Variants in SLC44A5 observed in about 807,000 individuals in gnomAD.
The protein encoded by SLC44A5 is choline transporter-like protein 5.
In SLC44A5, 57 loss-of-function variants were observed where a neutral mutation model predicts 101.8. That is an observed-to-expected ratio of 0.56 (90% CI 0.45 to 0.70). SLC44A5 has a LOEUF of 0.70. SLC44A5 is among the 30% of genes least tolerant of loss of function. SLC44A5 has a pLI of 0.00. For missense variants in SLC44A5, 737 were observed against 853.1 expected, an observed-to-expected ratio of 0.86 and a Z score of 1.70; for synonymous variants, 281 against 290.9, an observed-to-expected ratio of 0.97 and a Z score of 0.35.
intron 2 of SLC44A5, among the ~76,000 whole-genome samples, chr1:75,427,946 G>A (rs1664405302): frequency 6.6e-6 from 1 of 152,180 alleles, no homozygotes; most frequent in Non-Finnish European, 1.5e-5. Flanking sequence ...GTTGGATGGA[G>A]CCATGTTTCT....
At chr1:75,677,797 C>A in the SLC44A5 span, 1 of 415,084 alleles carries the variant, frequency 2.4e-6, no homozygotes, top group Non-Finnish European at 4.7e-6. Context: ...GTCTACAGCT[C>A]CCAGCCTGAG....
At chr1:75,230,575 C>A (rs148352836) in intron 12 of SLC44A5, among the ~76,000 whole-genome samples, 1 of 151,994 alleles carries the variant, frequency 6.6e-6, no homozygotes, top group Admixed American at 6.6e-5. Flanking sequence ...TTCTTTAAAC[C>A]TTTCATGCAT....
At chr1:75,571,075 G>A (rs1270585552) in intron 1 of SLC44A5, among the ~76,000 whole-genome samples, 1 of 152,142 alleles carries the variant, frequency 6.6e-6, no homozygotes, top group Admixed American at 6.5e-5. Context: ...GTAGAAAAAT[G>A]GCTCCACCAC....
At chr1:75,253,508 A>T (rs1447819359) in intron 6 of SLC44A5, among the ~76,000 whole-genome samples, 4 of 152,214 alleles carry the variant, frequency 2.6e-5, no homozygotes, top group Non-Finnish European at 1.5e-5. Context: ...TTATAAATTA[A>T]TACACAATAT....
At chr1:75,705,717 G>T in the SLC44A5 span, among the ~76,000 whole-genome samples, 2 of 152,142 alleles carry the variant, frequency 1.3e-5, no homozygotes, top group Non-Finnish European at 2.9e-5. Flanking sequence ...TTGCTCTGTT[G>T]CCCAGACTGG....
intron 3 of SLC44A5, among the ~76,000 whole-genome samples, chr1:75,356,279 C>T (rs931587845): frequency 6.6e-6 from 1 of 151,152 alleles, no homozygotes; most frequent in African/African-American, 2.4e-5. Context: ...ATGACAGCTC[C>T]GTGCATGTTA....
At chr1:75,439,945 A>T (rs1424323729) in intron 2 of SLC44A5, among the ~76,000 whole-genome samples, 4 of 152,194 alleles carry the variant, frequency 2.6e-5, no homozygotes, top group Non-Finnish European at 5.9e-5. Context: ...TCAGAAAGCA[A>T]GCTAATATTA....
At chr1:75,275,092 G>A (rs1651816063) in intron 5 of SLC44A5, 50 bp from the exon 6 acceptor site, 1 of 1,475,388 alleles carries the variant, frequency 6.8e-7, no homozygotes, top group South Asian at 1.2e-5. Context: ...GCCAGCTAAA[G>A]GCAGTTTGAT....
chr1:75,630,530 A>G, the SLC44A5 span, among the ~76,000 whole-genome samples: 3 of 152,148 alleles, frequency 2.0e-5, no homozygotes, highest in Admixed American at 6.6e-5. Context: ...GTGGTCCTCT[A>G]GAAAAGCCTC....
In SLC44A5 at chr1:75,397,527, G is replaced by A. The variant is rs554344504; in HGVS notation, c.14-906C>T. On this transcript the variant is annotated intron_variant, in intron 2 of 23. Transcript: ENST00000370859. Reference sequence around the variant, plus strand: ...GAACATTTGTAAATTGTGTTCCTTTGGGAAAAATAATAATAACGATAATTA... The same window carrying A: ...GAACATTTGTAAATTGTGTTCCTTTAGGAAAAATAATAATAACGATAATTA... Among the ~76,000 whole-genome samples, 7 of 152,148 alleles carry A rather than the reference G, an allele frequency of 4.6e-5. No homozygotes were observed. The South Asian group carries it at 1.2e-3, about 27-fold the overall frequency.
At chr1:75,416,201 C>T (rs1663631670) in intron 2 of SLC44A5, among the ~76,000 whole-genome samples, 2 of 152,176 alleles carry the variant, frequency 1.3e-5, no homozygotes, top group African/African-American at 4.8e-5. Context: ...CCCAGGGTCT[C>T]CCTACTGTGT....
intron 1 of SLC44A5, among the ~76,000 whole-genome samples, chr1:75,602,483 A>T (rs1236873823): frequency 6.6e-6 from 1 of 152,162 alleles, no homozygotes; most frequent in Non-Finnish European, 1.5e-5. Context: ...TGTGCTTTAT[A>T]ATTTCAAGCC....
chr1:75,662,163 T>A, the SLC44A5 span, among the ~76,000 whole-genome samples: 1 of 152,104 alleles, frequency 6.6e-6, no homozygotes, highest in Non-Finnish European at 1.5e-5. Flanking sequence ...TCAATTTTAT[T>A]CAGTCATAAA....
chr1:75,542,374 G>A (rs908787129), intron 1 of SLC44A5, among the ~76,000 whole-genome samples: 2 of 151,924 alleles, frequency 1.3e-5, no homozygotes, highest in African/African-American at 4.8e-5. Flanking sequence ...GATAGCATAA[G>A]CATTTATATT....
the SLC44A5 span, among the ~76,000 whole-genome samples, chr1:75,689,065 T>C: frequency 0.26 from 39,743 of 152,082 alleles, 6,466 homozygotes; most frequent in East Asian, 0.68. Flanking sequence ...ATTTGCTTTT[T>C]GAGAGGACTA....
chr1:75,326,115 T>C (rs887209645), intron 4 of SLC44A5, among the ~76,000 whole-genome samples: 1 of 151,068 alleles, frequency 6.6e-6, no homozygotes, highest in African/African-American at 2.4e-5. Flanking sequence ...TGTGTGTGTG[T>C]GTGTGTGTGT....
intron 3 of SLC44A5, among the ~76,000 whole-genome samples, chr1:75,342,135 A>G (rs2101039699): frequency 6.6e-6 from 1 of 152,326 alleles, no homozygotes; most frequent in South Asian, 2.1e-4. Context: ...AGACACTACC[A>G]TTAGATGTGA....
At chr1:75,543,152 T>C (rs559723255) in intron 1 of SLC44A5, among the ~76,000 whole-genome samples, 1 of 152,338 alleles carries the variant, frequency 6.6e-6, no homozygotes, top group East Asian at 1.9e-4. Context: ...TTAATTATTT[T>C]ATACTATTTT....
intron 5 of SLC44A5, among the ~76,000 whole-genome samples, chr1:75,278,728 T>C (rs956904044): frequency 6.6e-6 from 1 of 152,120 alleles, no homozygotes; most frequent in Non-Finnish European, 1.5e-5. Flanking sequence ...CAGCTTTAAG[T>C]GCAGGAGGAA....
Sources: gnomAD v4.1 joint callset for allele counts (sites outside exome capture counted in the v4.1 genomes callset) on GRCh38, gnomAD v4.1.1 for gene constraint, MANE v1.5 for transcripts, NCBI Gene and HGNC (gene_info 2026-07-23, HGNC 2026-07-21) for gene names.